Variants in SPATA16 observed in about 807,000 individuals in gnomAD.
The protein encoded by SPATA16 is spermatogenesis-associated protein 16.
In SPATA16, 36 loss-of-function variants were observed where a neutral mutation model predicts 63.3. The observed-to-expected ratio is 0.57, with a 90% CI of 0.44 to 0.75. The LOEUF (loss-of-function observed/expected upper bound fraction) is 0.75, where lower values mean the gene tolerates loss of function less well. SPATA16 is among the 30% of genes least tolerant of loss of function. SPATA16 has a pLI of 0.00. For synonymous variants in SPATA16, 203 were observed against 216.7 expected (o/e 0.94, Z 0.56); for missense variants, 646 against 679.3 (o/e 0.95, Z 0.54).
intron 2 of SPATA16, among the ~76,000 whole-genome samples, chr3:173,098,453 T>G (rs1350708520): frequency 6.6e-6 from 1 of 152,210 alleles, no homozygotes; most frequent in Non-Finnish European, 1.5e-5. Flanking sequence ...CTACAATGGA[T>G]AAGTTAAAAC....
chr3:172,941,851 ATATAT>A (rs1050380717), intron 6 of SPATA16, among the ~76,000 whole-genome samples: 16 of 152,274 alleles, frequency 1.1e-4, no homozygotes, highest in African/African-American at 3.8e-4. Flanking sequence ...TAGAATAAAA[ATATAT>A]TATGTATAAT....
intron 2 of SPATA16, among the ~76,000 whole-genome samples, chr3:173,052,592 A>G (rs1736129786): frequency 6.6e-6 from 1 of 152,246 alleles, no homozygotes; most frequent in Non-Finnish European, 1.5e-5. Flanking sequence ...AGTTAAAGGT[A>G]GAGTTATAGG....
intron 10 of SPATA16, among the ~76,000 whole-genome samples, chr3:172,901,738 G>T (rs1577082352): frequency 1.3e-5 from 2 of 152,176 alleles, no homozygotes; most frequent in Admixed American, 6.5e-5. Flanking sequence ...TTACTTCTGG[G>T]TGGTGATGGG....
intron 4 of SPATA16, among the ~76,000 whole-genome samples, chr3:173,019,213 G>A (rs1257297037): frequency 6.6e-6 from 1 of 152,116 alleles, no homozygotes; most frequent in Non-Finnish European, 1.5e-5. Flanking sequence ...AAGAGGTCAA[G>A]CGCATTTCTA....
At chr3:173,111,522 C>G (rs997485748) in intron 2 of SPATA16, among the ~76,000 whole-genome samples, 6 of 152,192 alleles carry the variant, frequency 3.9e-5, no homozygotes. Flanking sequence ...CTCAGGCACT[C>G]AGAGAATTTG....
intron 5 of SPATA16, among the ~76,000 whole-genome samples, chr3:172,973,680 G>A (rs1734093766): frequency 6.6e-6 from 1 of 152,178 alleles, no homozygotes; most frequent in Non-Finnish European, 1.5e-5. Flanking sequence ...GTAGTAAGGA[G>A]CAGGGAGAGG....
At chr3:173,054,283 G>A (rs1736166362) in intron 2 of SPATA16, among the ~76,000 whole-genome samples, 1 of 151,890 alleles carries the variant, frequency 6.6e-6, no homozygotes, top group African/African-American at 2.4e-5. Flanking sequence ...CCCATTACTG[G>A]GTATATACCC....
intron 3 of SPATA16, among the ~76,000 whole-genome samples, chr3:173,047,057 A>T (rs1031174155): frequency 2.0e-5 from 3 of 151,948 alleles, no homozygotes; most frequent in Admixed American, 6.6e-5. Flanking sequence ...CAAGGTCTTG[A>T]AAAAGCATTC....
rs114749948 is a variant in SPATA16 at position 172,917,932 on chromosome 3, G to T, written c.1339-1451C>A. On this transcript the variant is annotated intron_variant, in intron 8 of 10. Coordinates refer to ENST00000351008, the MANE Select transcript of SPATA16 (RefSeq NM_031955.6). Reference sequence around the variant, plus strand: ...TCTAGAATCTTGGAAATAAAGAAAGGCTGGCACCATCGTGCTGTATCTGCT... The same window carrying T: ...TCTAGAATCTTGGAAATAAAGAAAGTCTGGCACCATCGTGCTGTATCTGCT... Among the ~76,000 whole-genome samples, 852 of 152,290 alleles carry T rather than the reference G, an allele frequency of 5.6e-3. 8 individuals carry two copies. Among genetic ancestry groups the T allele is most frequent in the South Asian group, 0.012 (56 of 4,826 alleles).
At position 172,896,463 on chromosome 3, in the gene SPATA16, C is replaced by G. The variant is rs925047149; in HGVS notation, c.1588-6771G>C. On this transcript the variant is annotated intron_variant, in intron 10 of 10. Coordinates refer to ENST00000351008, the MANE Select transcript of SPATA16 (RefSeq NM_031955.6). ...GTCTTGATCTCCTGACTTCGTGATC[C>G]GCCTGCCTTGGCCTCCCAAAGTGCT... is the stretch of plus-strand genomic sequence containing the variant. Among the ~76,000 whole-genome samples, 8 of 152,090 alleles carry G rather than the reference C, an allele frequency of 5.3e-5. No individual in the cohort carries two copies. In the South Asian group the frequency reaches 1.2e-3, roughly 24 times the overall value.
In SPATA16 at chr3:173,056,705, CAAAAAA is replaced by C. The variant is rs71162325; in HGVS notation, c.613-7617_613-7612del. On this transcript the variant is annotated intron_variant, in intron 2 of 10. Coordinates refer to ENST00000351008, the MANE Select transcript of SPATA16 (RefSeq NM_031955.6). ...GAGCAACAGAGTGAGACTCTTGTTT[CAAAAAA>C]AAAAAAAAAAAAAAAAAAGAAATGT... is the stretch of plus-strand genomic sequence containing the variant. 1.5e-3 allele frequency among the ~76,000 whole-genome samples: 112 copies of C among 73,602 alleles called. 1 individual carries two copies. Among genetic ancestry groups the C allele is most frequent in the African/African-American group, 5.9e-3 (105 of 17,794 alleles). 48.3% of individuals were successfully genotyped at this position (73,602 alleles called of 152,430 possible).
intron 6 of SPATA16, among the ~76,000 whole-genome samples, chr3:172,946,845 A>T (rs183904873): frequency 1.5e-4 from 23 of 152,290 alleles, no homozygotes; most frequent in African/African-American, 5.5e-4. Flanking sequence ...CCTTGAGTGA[A>T]TATAGGTGGT....
intron 2 of SPATA16, among the ~76,000 whole-genome samples, chr3:173,105,896 G>T (rs1737611849): frequency 6.6e-6 from 1 of 150,408 alleles, no homozygotes; most frequent in South Asian, 2.1e-4. Flanking sequence ...GATATATCTG[G>T]ATACGTAACA....
intron 2 of SPATA16, among the ~76,000 whole-genome samples, chr3:173,069,251 GA>G (rs754762515): frequency 6.6e-6 from 1 of 151,458 alleles, no homozygotes; most frequent in African/African-American, 2.4e-5. Flanking sequence ...GCAAGACTAA[GA>G]AAAAAAGAAA....
At chr3:172,930,553 C>CTTTTTTTTTT (rs34780432) in intron 6 of SPATA16, among the ~76,000 whole-genome samples, 2 of 87,366 alleles carry the variant, frequency 2.3e-5, no homozygotes, top group Non-Finnish European at 4.3e-5. Context: ...CATTCAAACT[C>CTTTTTTTTTT]TTTTTTTTTT....
intron 1 of SPATA16, among the ~76,000 whole-genome samples, chr3:173,123,310 A>G (rs967293605): frequency 1.3e-5 from 2 of 152,236 alleles, no homozygotes; most frequent in Non-Finnish European, 2.9e-5. Context: ...AAGAGGTTAA[A>G]CAACTTGAAA....
intron 10 of SPATA16, among the ~76,000 whole-genome samples, chr3:172,898,733 T>G (rs574553497): frequency 6.6e-6 from 1 of 151,886 alleles, no homozygotes; most frequent in South Asian, 2.1e-4. Context: ...TAATCCTTAT[T>G]GTTTTCTTCC....
chr3:173,090,354 A>G (rs1206961482), intron 2 of SPATA16, among the ~76,000 whole-genome samples: 2 of 152,126 alleles, frequency 1.3e-5, no homozygotes, highest in Admixed American at 6.6e-5. Context: ...CCAGAAGCCA[A>G]TGCCTGGTAT....
chr3:172,942,939 CAAA>C (rs1303776943), intron 6 of SPATA16, among the ~76,000 whole-genome samples: 1 of 151,976 alleles, frequency 6.6e-6, no homozygotes, highest in Non-Finnish European at 1.5e-5. Context: ...AGTCATGGCT[CAAA>C]GAAGATTTCA....
Sources: gnomAD v4.1 joint callset for allele counts (sites outside exome capture counted in the v4.1 genomes callset) on GRCh38, gnomAD v4.1.1 for gene constraint, MANE v1.5 for transcripts, NCBI Gene and HGNC (gene_info 2026-07-23, HGNC 2026-07-21) for gene names.